ZNF185: variants seen among roughly 807,000 people sequenced by gnomAD.
ZNF185 encodes the protein zinc finger protein 185.
In ZNF185, 56 loss-of-function variants were observed where a neutral mutation model predicts 58.6. The observed-to-expected ratio is 0.95, with a 90% CI of 0.77 to 1.19. ZNF185 has a LOEUF of 1.19. Among genes scored for constraint, ZNF185 ranks in the 50% most tolerant of loss-of-function variants. The pLI is 0.00. For missense variants in ZNF185, 627 were observed against 573.5 expected, an observed-to-expected ratio of 1.09 and a Z score of -0.95; for synonymous variants, 230 against 215.9, an observed-to-expected ratio of 1.07 and a Z score of -0.57.
intron 15 of ZNF185, among the ~76,000 whole-genome samples, chrX:152,939,777 T>G (rs1255144747): frequency 4.2e-4 from 3 of 7,126 alleles, no homozygotes; most frequent in Non-Finnish European, 1.6e-3. Flanking sequence ...ATCAGAGGTG[T>G]TTTTTTTTTT....
At chrX:152,930,711 C>T (rs1255770463) in intron 12 of ZNF185, among the ~76,000 whole-genome samples, 3 of 111,254 alleles carry the variant, frequency 2.7e-5, no homozygotes, top group South Asian at 3.8e-4. Flanking sequence ...GAGAAAAAGG[C>T]GGAGACCAGG....
chrX:152,899,485 A>G, the ZNF185 span, among the ~76,000 whole-genome samples: 1 of 112,918 alleles, frequency 8.9e-6, no homozygotes, highest in Non-Finnish European at 1.9e-5. Context: ...ATGGGAAGGA[A>G]CAGATCCCTC....
At chrX:152,917,254 G>T in intron 4 of ZNF185, 31 bp from the exon 6 acceptor site, 7 of 1,210,797 alleles carry the variant, frequency 5.8e-6, no homozygotes, top group Non-Finnish European at 7.8e-6. Flanking sequence ...CCTCCAGGGA[G>T]CTCACCGGCA....
At chrX:152,922,230 G>A (rs782722540) in exon 10 of ZNF185, 3 of 1,187,486 alleles carry the variant, frequency 2.5e-6, no homozygotes, top group African/African-American at 3.5e-5. Flanking sequence ...CACCTGCTCT[G>A]GCAAGATCCA....
At chrX:152,915,267 A>G (rs1448527676) in intron 3 of ZNF185, 64 bp downstream of exon 4, 1 of 1,110,628 alleles carries the variant, frequency 9.0e-7, no homozygotes, top group African/African-American at 1.8e-5. Context: ...GCTTGGGGCC[A>G]GCCCTCAACA....
intron 18 of ZNF185, among the ~76,000 whole-genome samples, chrX:152,964,454 A>G (rs2049904848): frequency 8.9e-6 from 1 of 112,578 alleles, no homozygotes; most frequent in East Asian, 2.8e-4. Flanking sequence ...GAGCAGGACC[A>G]TCACATGGCA....
At chrX:152,936,087 T>G (rs2046248364) in intron 14 of ZNF185, among the ~76,000 whole-genome samples, 1 of 112,510 alleles carries the variant, frequency 8.9e-6, no homozygotes, top group Non-Finnish European at 1.9e-5. Context: ...TCATTTACTT[T>G]TCTCAGAATA....
chrX:152,909,904 CTTTTTTTTTTTT>C (rs1223634856), upstream of ZNF185, among the ~76,000 whole-genome samples: 1 of 90,238 alleles, frequency 1.1e-5, no homozygotes, highest in East Asian at 3.3e-4. Context: ...GGCATCAACT[CTTTTTTTTTTTT>C]TTTTTTTTTG....
the ZNF185 span, among the ~76,000 whole-genome samples, chrX:152,902,649 A>G: frequency 3.6e-5 from 4 of 112,453 alleles, no homozygotes; most frequent in Admixed American, 9.3e-5. Flanking sequence ...CGCTAGGCCG[A>G]TCCCCCCAGC....
intron 14 of ZNF185, 143 bp downstream of exon 16, chrX:152,936,656 AG>A: frequency 2.1e-6 from 1 of 484,248 alleles, no homozygotes; most frequent in East Asian, 3.8e-5. Context: ...ACAGCAAGAC[AG>A]GGAACTCCAG....
chrX:152,953,694 T>C (rs929751028), intron 16 of ZNF185, among the ~76,000 whole-genome samples: 24 of 111,541 alleles, frequency 2.2e-4, no homozygotes, highest in African/African-American at 5.9e-4. Flanking sequence ...CGAGACCCTG[T>C]CTCAAAAACA....
At chrX:152,917,193 G>A (rs782243084) in intron 4 of ZNF185, 24 bp downstream of exon 5, 26 of 1,209,685 alleles carry the variant, frequency 2.1e-5, no homozygotes, top group East Asian at 1.5e-4. Context: ...GGACTCTGCC[G>A]GCCTTCCTGT....
chrX:152,948,890 G>A (rs2048028196), intron 16 of ZNF185, among the ~76,000 whole-genome samples: 1 of 111,993 alleles, frequency 8.9e-6, no homozygotes, highest in Admixed American at 9.5e-5. Context: ...GGGATCTCCA[G>A]TGGCAGTGAG....
chrX:152,904,069 C>T, the ZNF185 span, among the ~76,000 whole-genome samples: 1 of 112,525 alleles, frequency 8.9e-6, no homozygotes, highest in Non-Finnish European at 1.9e-5. Context: ...TTATATTTTC[C>T]CCTCTGCAAC....
At chrX:152,907,259 C>A in the ZNF185 span, among the ~76,000 whole-genome samples, 1 of 111,481 alleles carries the variant, frequency 9.0e-6, no homozygotes, top group Non-Finnish European at 1.9e-5. Context: ...GCATCAGCCC[C>A]CTGCGTCAGC....
intron 13 of ZNF185, 141 bp downstream of exon 14, chrX:152,931,917 AGTACCTGG>A: frequency 2.7e-6 from 1 of 372,516 alleles, no homozygotes; most frequent in Non-Finnish European, 4.5e-6. Flanking sequence ...CTGTTCCCCC[AGTACCTGG>A]GGTACTGCAG....
intron 16 of ZNF185, among the ~76,000 whole-genome samples, chrX:152,946,093 C>A (rs1488019806): frequency 8.9e-6 from 1 of 112,526 alleles, no homozygotes. Context: ...AGGCATCTTG[C>A]CTGCCAGCGC....
At chrX:152,956,640 A>G (rs1354336567) in intron 16 of ZNF185, among the ~76,000 whole-genome samples, 2 of 111,851 alleles carry the variant, frequency 1.8e-5, no homozygotes, top group African/African-American at 3.3e-5. Context: ...TCGGGAGGCT[A>G]AGACTGGAGA....
At chrX:152,936,563 C>A (rs782089334) in intron 14 of ZNF185, 50 bp downstream of exon 16, 99 of 1,061,275 alleles carry the variant, frequency 9.3e-5, no homozygotes, top group Non-Finnish European at 1.2e-4. Flanking sequence ...CCAGACACAG[C>A]CTTTGGGGCC....
Sources: gnomAD v4.1 joint callset for allele counts (sites outside exome capture counted in the v4.1 genomes callset) on GRCh38, gnomAD v4.1.1 for gene constraint, MANE v1.5 for transcripts, NCBI Gene and HGNC (gene_info 2026-07-23, HGNC 2026-07-21) for gene names.